The following THSD7B variants were observed in gnomAD, a reference collection of about 807,000 sequenced individuals.
THSD7B encodes the protein thrombospondin type 1 domain containing 7B, also known as thrombospondin type-1 domain-containing protein 7B.
In THSD7B, 138 loss-of-function variants were observed where a neutral mutation model predicts 213.6. That is an observed-to-expected ratio of 0.65 (90% CI 0.56 to 0.74). THSD7B has a LOEUF of 0.74. Among genes scored for constraint, THSD7B ranks in the 30% least tolerant of loss-of-function variants. The probability of loss-of-function intolerance (pLI) is 0.00; values close to 1 mark genes in which losing one functional copy is unlikely to be tolerated. For missense variants in THSD7B, 1,931 were observed against 1,991.5 expected, an observed-to-expected ratio of 0.97 and a Z score of 0.58; for synonymous variants, 742 against 687.0, an observed-to-expected ratio of 1.08 and a Z score of -1.25.
intron 3 of THSD7B, among the ~76,000 whole-genome samples, chr2:137,093,757 T>C (rs1205843764): frequency 1.3e-5 from 2 of 151,360 alleles, no homozygotes; most frequent in Non-Finnish European, 1.5e-5. Context: ...ATTATCTTTT[T>C]TTTTAATTTT....
rs1036634768 is a variant in THSD7B at position 136,883,297 on chromosome 2, A to C, written c.139+980A>C. On this transcript the variant is annotated intron_variant, in intron 2 of 27. Coordinates refer to ENST00000409968, the MANE Select transcript of THSD7B (RefSeq NM_001316349.2). ...AAGTGATGTTTGTAATATTTAAATA[A>C]TTTTGCAAAAATGAAAGTGAATTAT... Among the ~76,000 whole-genome samples the C allele has an allele frequency of 5.3e-5, 8 of 151,628 alleles. No individual in the cohort carries two copies. In the South Asian group the frequency reaches 1.2e-3, roughly 24 times the overall value.
chr2:137,194,786 T>C (rs1680727208), intron 7 of THSD7B, among the ~76,000 whole-genome samples: 1 of 152,224 alleles, frequency 6.6e-6, no homozygotes, highest in African/African-American at 2.4e-5. Context: ...TGCTACTCTA[T>C]TGAATTATTT....
At chr2:137,074,601 G>T (rs896358381) in intron 3 of THSD7B, among the ~76,000 whole-genome samples, 7 of 152,216 alleles carry the variant, frequency 4.6e-5, no homozygotes, top group Non-Finnish European at 7.4e-5. Flanking sequence ...AGTTAATATT[G>T]TTATGTGTGA....
Position 136,847,007 on chromosome 2 carries a change from T to C in THSD7B, c.-35-35137T>C, listed in dbSNP as rs79758505. On this transcript the variant is annotated intron_variant, in intron 1 of 27. Coordinates refer to ENST00000409968, the MANE Select transcript of THSD7B (RefSeq NM_001316349.2). ...GAGAAACATTTGAAAAATCTTTCATTGAATATAATTTTTCTATTTTTTTTC... is the reference window on the plus strand; with the variant it reads ...GAGAAACATTTGAAAAATCTTTCATCGAATATAATTTTTCTATTTTTTTTC... Among the ~76,000 whole-genome samples the C allele has an allele frequency of 2.5e-3, 374 of 152,242 alleles. 2 individuals carry two copies. The highest frequency in any genetic ancestry group is 8.7e-3 in the African/African-American group (360 of 41,494).
At chr2:137,163,841 G>T (rs1180054898) in intron 6 of THSD7B, among the ~76,000 whole-genome samples, 2 of 152,186 alleles carry the variant, frequency 1.3e-5, no homozygotes, top group African/African-American at 4.8e-5. Flanking sequence ...AAGGTAATTT[G>T]TCTAAAGTCC....
chr2:136,773,288 GTAT>G (rs1681541357), intron 1 of THSD7B, among the ~76,000 whole-genome samples: 1 of 152,030 alleles, frequency 6.6e-6, no homozygotes, highest in South Asian at 2.1e-4. Flanking sequence ...GAGGTTGATT[GTAT>G]TATTATTATT....
At chr2:137,158,528 G>A (rs75122855) in intron 5 of THSD7B, among the ~76,000 whole-genome samples, 1,735 of 152,220 alleles carry the variant, frequency 0.011, 13 homozygotes, top group Non-Finnish European at 0.019. Context: ...TGGTAAACTG[G>A]AAAAGAATTA....
intron 15 of THSD7B, among the ~76,000 whole-genome samples, chr2:137,484,824 G>T (rs1222988612): frequency 1.0e-5 from 1 of 99,474 alleles, no homozygotes; most frequent in Non-Finnish European, 2.1e-5. Context: ...GTCTTCTTTT[G>T]AGAAGTGTCT....
At chr2:137,417,904 T>C (rs965202206) in intron 14 of THSD7B, among the ~76,000 whole-genome samples, 4 of 152,214 alleles carry the variant, frequency 2.6e-5, no homozygotes, top group Admixed American at 2.0e-4. Flanking sequence ...TTTAGTTATA[T>C]GAAATTCTTG....
intron 1 of THSD7B, among the ~76,000 whole-genome samples, chr2:136,833,897 A>G (rs1682800345): frequency 6.6e-6 from 1 of 152,222 alleles, no homozygotes. Flanking sequence ...ATATTCACTA[A>G]AAGTTTCACT....
intron 4 of THSD7B, among the ~76,000 whole-genome samples, chr2:137,103,809 A>G (rs569096930): frequency 6.6e-6 from 1 of 152,350 alleles, no homozygotes; most frequent in African/African-American, 2.4e-5. Flanking sequence ...GTAATGGTAA[A>G]GGGATAAACG....
intron 21 of THSD7B, among the ~76,000 whole-genome samples, chr2:137,648,231 A>G (rs535407745): frequency 6.6e-6 from 1 of 152,078 alleles, no homozygotes; most frequent in Non-Finnish European, 1.5e-5. Flanking sequence ...TGCTAGAACA[A>G]CTCAAATTAT....
intron 10 of THSD7B, among the ~76,000 whole-genome samples, chr2:137,268,629 G>C (rs1052353815): frequency 3.9e-5 from 6 of 152,052 alleles, no homozygotes; most frequent in Admixed American, 1.3e-4. Flanking sequence ...TGGCCACCTT[G>C]GTTTTGGTGG....
Position 137,659,708 on chromosome 2 carries a change from A to T in THSD7B, c.4420A>T (p.Ile1474Phe). ...QARPAAIRQC[I>F]PACRKPFSYC... is the part of the protein sequence containing the mutation. ...CCGTCCTGCTGCCATTCGGCAGTGC[A>T]TTCCAGCCTGCAGAAAACCTTTCTC... The change falls in exon 25 of 28, where the codon ATT becomes TTT. Residue 1474 changes from isoleucine (I) to phenylalanine (F), a missense_variant. By Grantham distance (21) the Ile-to-Phe change is conservative (BLOSUM62 0). Coordinates refer to ENST00000409968, the MANE Select transcript of THSD7B (RefSeq NM_001316349.2). The T allele has an allele frequency of 1.2e-6, 2 of 1,605,004 alleles. No individual in the cohort carries two copies. Among genetic ancestry groups the T allele is most frequent in the Admixed American group, 1.7e-5 (1 of 58,998 alleles).
intron 15 of THSD7B, among the ~76,000 whole-genome samples, chr2:137,498,942 G>A (rs1679637640): frequency 1.3e-5 from 2 of 152,250 alleles, no homozygotes; most frequent in African/African-American, 2.4e-5. Context: ...ATGGATATGG[G>A]CATTGTCACC....
At chr2:137,000,228 C>T (rs112886337) in intron 2 of THSD7B, among the ~76,000 whole-genome samples, 2 of 152,056 alleles carry the variant, frequency 1.3e-5, no homozygotes, top group African/African-American at 2.4e-5. Context: ...CCTCCTTCAC[C>T]ATTTTTCCCC....
At chr2:137,351,094 C>A (rs953378860) in intron 12 of THSD7B, among the ~76,000 whole-genome samples, 3 of 151,780 alleles carry the variant, frequency 2.0e-5, no homozygotes, top group Non-Finnish European at 2.9e-5. Context: ...TAATTGAATC[C>A]TTGGGATTGG....
intron 2 of THSD7B, among the ~76,000 whole-genome samples, chr2:137,043,767 T>C (rs1324741679): frequency 6.6e-6 from 1 of 152,120 alleles, no homozygotes; most frequent in Non-Finnish European, 1.5e-5. Flanking sequence ...TGATGACCTG[T>C]TTAAAAGGGG....
At chr2:136,822,616 A>T (rs551989335) in intron 1 of THSD7B, among the ~76,000 whole-genome samples, 1 of 152,336 alleles carries the variant, frequency 6.6e-6, no homozygotes, top group East Asian at 1.9e-4. Context: ...TCTTTCTGTA[A>T]TTAATTCCAA....
Sources: allele counts gnomAD v4.1 joint callset (sites outside exome capture counted in the v4.1 genomes callset), GRCh38; gene constraint gnomAD v4.1.1; transcripts MANE v1.5; gene names NCBI Gene and HGNC (gene_info 2026-07-23, HGNC 2026-07-21).